Variants in RIMS1 observed in about 807,000 individuals in gnomAD.
RIMS1 encodes regulating synaptic membrane exocytosis protein 1.
Under a neutral mutation model 214.1 loss-of-function variants are expected in RIMS1, and 83 were observed. The ratio of observed to expected loss-of-function variants is 0.39; its 90% CI spans 0.32 to 0.47. The LOEUF (loss-of-function observed/expected upper bound fraction) is 0.47. Among genes scored for constraint, RIMS1 ranks in the 20% least tolerant of loss-of-function variants. RIMS1 has a pLI of 0.99. For synonymous variants in RIMS1, 793 were observed against 786.8 expected (o/e 1.01, Z -0.13); for missense variants, 2,050 against 2,161.8 (o/e 0.95, Z 1.03).
intron 2 of RIMS1, among the ~76,000 whole-genome samples, chr6:72,085,462 A>G (rs543189458): frequency 1.4e-3 from 208 of 152,320 alleles, no homozygotes; most frequent in African/African-American, 4.7e-3. Context: ...AAATATGTGT[A>G]TATAACATAA....
At chr6:72,027,299 G>A (rs1816805612) in intron 2 of RIMS1, among the ~76,000 whole-genome samples, 1 of 152,082 alleles carries the variant, frequency 6.6e-6, no homozygotes. Flanking sequence ...TGCCAAATAG[G>A]TCATGTGGCC....
chr6:72,338,772 A>C (rs1250627302), intron 29 of RIMS1, among the ~76,000 whole-genome samples: 2 of 151,372 alleles, frequency 1.3e-5, no homozygotes, highest in African/African-American at 4.8e-5. Context: ...TAATTTGCCC[A>C]AGGTCTCATA....
Position 72,251,018 on chromosome 6 carries a change from A to G in RIMS1, c.2470A>G (p.Arg824Gly). ...TTCACATGTACATCGTAGAGATTTTAGAGAACGAATGTTAGAAATAACTGT... is the reference window on the plus strand; with the variant it reads ...TTCACATGTACATCGTAGAGATTTTGGAGAACGAATGTTAGAAATAACTGT... ...VYSHVHRRDF[R>G]ERMLEITVWD... The change falls in exon 14 of 34, where the codon AGA (arginine) becomes GGA (glycine). Residue 824 changes from arginine (R) to glycine (G), a missense_variant. Transcript: ENST00000521978. 6 of 1,574,686 alleles carry G rather than the reference A, an allele frequency of 3.8e-6. No individual in the cohort carries two copies. Among genetic ancestry groups the G allele is most frequent in the Non-Finnish European group, 5.2e-6 (6 of 1,158,932 alleles).
intron 19 of RIMS1, chr6:72,261,261 T>C (rs1035908934): frequency 4.0e-5 from 40 of 1,001,882 alleles, no homozygotes; most frequent in Non-Finnish European, 4.8e-5. Flanking sequence ...TCACTTTTAA[T>C]GGCTGAGCTT....
In RIMS1 at chr6:72,361,341, A is replaced by G. The variant is rs563688569; in HGVS notation, c.4366+27506A>G. 1.8e-4 allele frequency among the ~76,000 whole-genome samples: 27 copies of G among 151,616 alleles called. No individual in the cohort carries two copies. In the South Asian group the frequency reaches 5.2e-3, roughly 29 times the overall value. Reference sequence around the variant, plus strand: ...GGCTGGTCTCGAACTCCTGACTTCAAGTGATCCACCCGCCTCGGCCTCCCA... The same window carrying G: ...GGCTGGTCTCGAACTCCTGACTTCAGGTGATCCACCCGCCTCGGCCTCCCA... On this transcript the variant is annotated intron_variant, in intron 29 of 33. Transcript: ENST00000521978.
intron 28 of RIMS1, among the ~76,000 whole-genome samples, chr6:72,319,153 C>G (rs916622161): frequency 6.6e-6 from 1 of 151,878 alleles, no homozygotes; most frequent in African/African-American, 2.4e-5. Context: ...AGTTAGAGGG[C>G]AAATGCCAAG....
chr6:72,389,146 G>T (rs777915923), intron 29 of RIMS1, among the ~76,000 whole-genome samples: 6 of 152,124 alleles, frequency 3.9e-5, no homozygotes, highest in African/African-American at 9.7e-5. Context: ...GAAGAGACTG[G>T]GAAGTAACAA....
chr6:71,931,236 G>A (rs923082585), intron 1 of RIMS1, among the ~76,000 whole-genome samples: 1 of 151,672 alleles, frequency 6.6e-6, no homozygotes, highest in South Asian at 2.1e-4. Flanking sequence ...TTAAATACAG[G>A]GCATTTACAT....
At chr6:72,237,505 T>C (rs78191422) in intron 8 of RIMS1, among the ~76,000 whole-genome samples, 2 of 151,920 alleles carry the variant, frequency 1.3e-5, no homozygotes, top group East Asian at 3.9e-4. Flanking sequence ...CAAGACCTTG[T>C]CTCTACAAAT....
chr6:72,089,255 T>C (rs1302111463), intron 2 of RIMS1, among the ~76,000 whole-genome samples: 1 of 152,156 alleles, frequency 6.6e-6, no homozygotes, highest in Non-Finnish European at 1.5e-5. Context: ...GAGATTTGAA[T>C]TGAAACTGAT....
At chr6:72,372,044 A>T (rs1384959221) in intron 29 of RIMS1, among the ~76,000 whole-genome samples, 5 of 152,198 alleles carry the variant, frequency 3.3e-5, no homozygotes, top group Non-Finnish European at 5.9e-5. Flanking sequence ...TAAAGGCAGC[A>T]ATCTTAAAGG....
intron 1 of RIMS1, among the ~76,000 whole-genome samples, chr6:71,915,007 G>T (rs747974755): frequency 9.9e-5 from 15 of 152,058 alleles, no homozygotes; most frequent in African/African-American, 1.4e-4. Context: ...AAAAGGAAAT[G>T]TACTATTTTG....
At chr6:72,351,106 A>AT (rs1328218945) in intron 29 of RIMS1, among the ~76,000 whole-genome samples, 1 of 152,028 alleles carries the variant, frequency 6.6e-6, no homozygotes, top group Non-Finnish European at 1.5e-5. Flanking sequence ...ATGAAATGTA[A>AT]TTTTTTAGAG....
At chr6:72,328,649 T>A (rs185373917) in intron 28 of RIMS1, among the ~76,000 whole-genome samples, 180 of 151,526 alleles carry the variant, frequency 1.2e-3, no homozygotes, top group African/African-American at 4.1e-3. Flanking sequence ...TTAAAAATAT[T>A]TTTTTTTAGC....
chr6:72,314,335 A>T (rs1041265795), intron 28 of RIMS1, among the ~76,000 whole-genome samples: 3 of 152,170 alleles, frequency 2.0e-5, no homozygotes, highest in African/African-American at 7.2e-5. Flanking sequence ...TAGTCGTGTA[A>T]CCTAAAAATT....
At chr6:72,178,397 A>C (rs1372293523) in intron 4 of RIMS1, among the ~76,000 whole-genome samples, 1 of 152,016 alleles carries the variant, frequency 6.6e-6, no homozygotes, top group Admixed American at 6.6e-5. Flanking sequence ...TCTTCATTTG[A>C]CCTACTAAAC....
intron 4 of RIMS1, among the ~76,000 whole-genome samples, chr6:72,176,060 T>C (rs2047658013): frequency 6.6e-6 from 1 of 152,220 alleles, no homozygotes; most frequent in Non-Finnish European, 1.5e-5. Flanking sequence ...TCAAAAGTCA[T>C]GTAACTTCAC....
chr6:71,964,578 T>C (rs1286760321), intron 1 of RIMS1, among the ~76,000 whole-genome samples: 1 of 151,998 alleles, frequency 6.6e-6, no homozygotes, highest in African/African-American at 2.4e-5. Context: ...ACACAGGATG[T>C]GAGAGAAAAC....
intron 9 of RIMS1, among the ~76,000 whole-genome samples, chr6:72,239,014 A>G (rs1040988612): frequency 3.3e-5 from 5 of 152,240 alleles, no homozygotes; most frequent in Admixed American, 1.3e-4. Context: ...GTATAGAGAT[A>G]TGTTACACTG....
Sources: gnomAD v4.1 joint callset for allele counts (sites outside exome capture counted in the v4.1 genomes callset) on GRCh38, gnomAD v4.1.1 for gene constraint, MANE v1.5 for transcripts, NCBI Gene and HGNC (gene_info 2026-07-23, HGNC 2026-07-21) for gene names.